Variants in MAD1L1 observed in about 807,000 individuals in gnomAD.
MAD1L1 encodes mitotic arrest deficient 1 like 1.
MAD1L1 carries 95 observed loss-of-function variants against 96.9 expected under a neutral mutation model. The ratio of observed to expected loss-of-function variants is 0.98; its 90% CI spans 0.83 to 1.16. The LOEUF is 1.16. Ranked by LOEUF, MAD1L1 falls within the 50% of genes most tolerant of loss-of-function variation. The pLI is 0.00. For missense variants in MAD1L1, 1,007 were observed against 954.4 expected (o/e 1.06, Z -0.73); for synonymous variants, 473 against 396.6 (o/e 1.19, Z -2.29).
At chr7:1,977,429 A>T (rs571551193) in intron 15 of MAD1L1, among the ~76,000 whole-genome samples, 73 of 152,294 alleles carry the variant, frequency 4.8e-4, no homozygotes, top group African/African-American at 1.7e-3. Context: ...CGCCAAGCCC[A>T]CGCCCACCCA....
Position 2,117,939 on chromosome 7 carries a change from A to G in MAD1L1, c.1073+31213T>C, listed in dbSNP as rs192498316. 2.0e-3 allele frequency among the ~76,000 whole-genome samples: 297 copies of G among 152,214 alleles called. 1 individual carries two copies. Among genetic ancestry groups the G allele is most frequent in the African/African-American group, 6.3e-3 (263 of 41,544 alleles). ...ACAAACATCCCAACAACTGCCAGAC[A>G]CTCAGCATCCCTGGCCCCAGTCCCT... On this transcript the variant is annotated intron_variant, in intron 11 of 18. Transcript: ENST00000265854.
intron 15 of MAD1L1, among the ~76,000 whole-genome samples, chr7:1,977,291 C>T (rs1389473304): frequency 2.6e-5 from 4 of 152,250 alleles, no homozygotes; most frequent in South Asian, 2.1e-4. Context: ...AGTGAGAATT[C>T]GACTGCAGCG....
intron 17 of MAD1L1, among the ~76,000 whole-genome samples, chr7:1,907,936 G>A (rs1046933837): frequency 2.0e-5 from 3 of 152,194 alleles, no homozygotes; most frequent in Admixed American, 6.5e-5. Context: ...TGACCGCCCT[G>A]GCCCCTGCAG....
chr7:1,932,154 G>A (rs1789516026), intron 17 of MAD1L1, among the ~76,000 whole-genome samples: 2 of 152,142 alleles, frequency 1.3e-5, no homozygotes, highest in South Asian at 4.1e-4. Flanking sequence ...CAGGCTGGGG[G>A]CTTCCTTCTC....
At chr7:1,867,882 G>C (rs1271972106) in intron 18 of MAD1L1, among the ~76,000 whole-genome samples, 8 of 152,248 alleles carry the variant, frequency 5.3e-5, no homozygotes, top group African/African-American at 1.2e-4. Context: ...ATCGGAGGCA[G>C]TCCCTGCCCA....
chr7:2,152,655 C>T (rs1269544594), intron 10 of MAD1L1, among the ~76,000 whole-genome samples: 1 of 152,224 alleles, frequency 6.6e-6, no homozygotes, highest in Non-Finnish European at 1.5e-5. Flanking sequence ...GTCTCAGCCC[C>T]AGCCCTGACC....
At chr7:1,896,326 G>C (rs1364289076) in intron 18 of MAD1L1, among the ~76,000 whole-genome samples, 1 of 152,244 alleles carries the variant, frequency 6.6e-6, no homozygotes, top group Non-Finnish European at 1.5e-5. Context: ...TGGGCGGGCG[G>C]ATGAGGGCCG....
At chr7:1,962,633 T>C (rs1025217187) in intron 15 of MAD1L1, among the ~76,000 whole-genome samples, 1 of 152,024 alleles carries the variant, frequency 6.6e-6, no homozygotes, top group Non-Finnish European at 1.5e-5. Flanking sequence ...AATTTTAAAA[T>C]GGACAAAAAA....
chr7:1,870,903 G>A lies in MAD1L1; in HGVS notation c.1998+27297C>T, dbSNP rs1193507294. Among the ~76,000 whole-genome samples, 16 of 123,666 alleles carry A rather than the reference G, an allele frequency of 1.3e-4. No homozygotes were observed. In the South Asian group the frequency reaches 2.8e-3, roughly 22 times the overall value. The allele number at this position is 123,666 out of a possible 152,430, so 81.1% of individuals were successfully genotyped here. The stretch of plus-strand genomic sequence containing the variant: ...ATACGCCTGCCACGATGAACCTACC[G>A]TAACACCTGCCACGCTGAACCCAAC... On this transcript the variant is annotated intron_variant, in intron 18 of 18. Coordinates refer to ENST00000265854, the MANE Select transcript of MAD1L1 (RefSeq NM_001013836.2).
chr7:1,904,807 T>A (rs1479772504), intron 17 of MAD1L1, among the ~76,000 whole-genome samples: 1 of 114,704 alleles, frequency 8.7e-6, no homozygotes, highest in Non-Finnish European at 1.6e-5. Context: ...TCATGATTGA[T>A]CAAGCACTGT....
intron 17 of MAD1L1, among the ~76,000 whole-genome samples, chr7:1,900,466 G>C (rs1787177495): frequency 6.6e-6 from 1 of 152,192 alleles, no homozygotes; most frequent in South Asian, 2.1e-4. Flanking sequence ...ACGGCCCTGG[G>C]GGACACTGTT....
chr7:1,867,160 G>A (rs1274285693), intron 18 of MAD1L1, among the ~76,000 whole-genome samples: 1 of 152,192 alleles, frequency 6.6e-6, no homozygotes, highest in Admixed American at 6.5e-5. Flanking sequence ...GAGATGGATG[G>A]CACGGTCAGT....
At chr7:2,085,519 G>T (rs1785870346) in intron 11 of MAD1L1, among the ~76,000 whole-genome samples, 1 of 152,212 alleles carries the variant, frequency 6.6e-6, no homozygotes, top group Non-Finnish European at 1.5e-5. Flanking sequence ...TCTCAGGAAT[G>T]CCCTGCTTTG....
chr7:2,012,058 G>A (rs1782327766), intron 13 of MAD1L1, among the ~76,000 whole-genome samples: 1 of 152,198 alleles, frequency 6.6e-6, no homozygotes, highest in Non-Finnish European at 1.5e-5. Context: ...CAGACAGGAA[G>A]GGGAGTAACC....
intron 18 of MAD1L1, among the ~76,000 whole-genome samples, chr7:1,872,289 T>C (rs1035047013): frequency 8.5e-5 from 13 of 152,172 alleles, no homozygotes; most frequent in Admixed American, 2.6e-4. Flanking sequence ...GCCGCACCGT[T>C]TCCCAGATGA....
chr7:2,066,446 C>T (rs555641202), intron 12 of MAD1L1, among the ~76,000 whole-genome samples: 2 of 152,358 alleles, frequency 1.3e-5, no homozygotes, highest in East Asian at 3.9e-4. Flanking sequence ...ATCAATCCTT[C>T]GTCAGGATAA....
At chr7:1,888,408 G>A (rs1786298628) in intron 18 of MAD1L1, among the ~76,000 whole-genome samples, 1 of 151,434 alleles carries the variant, frequency 6.6e-6, no homozygotes, top group African/African-American at 2.4e-5. Flanking sequence ...GCGTGTGGCT[G>A]CCTGTGCATG....
At chr7:2,166,372 T>A (rs961007648) in intron 10 of MAD1L1, among the ~76,000 whole-genome samples, 1 of 152,090 alleles carries the variant, frequency 6.6e-6, no homozygotes, top group African/African-American at 2.4e-5. Context: ...TCAGGAAGGA[T>A]CTCAAGGGCT....
chr7:2,151,342 G>A (rs1273791909), intron 10 of MAD1L1, among the ~76,000 whole-genome samples: 19 of 152,210 alleles, frequency 1.2e-4, no homozygotes, highest in South Asian at 4.1e-4. Context: ...GGTCACAGGC[G>A]GCAGGCTACA....
Sources: gnomAD v4.1 joint callset for allele counts (sites outside exome capture counted in the v4.1 genomes callset) on GRCh38, gnomAD v4.1.1 for gene constraint, MANE v1.5 for transcripts, NCBI Gene and HGNC (gene_info 2026-07-23, HGNC 2026-07-21) for gene names.